The following WDR19 variants were observed in gnomAD, a reference collection of about 807,000 sequenced individuals.
WDR19 encodes the protein WD repeat-containing protein 19.
WDR19 carries 121 observed loss-of-function variants against 180.0 expected under a neutral mutation model. That is an observed-to-expected ratio of 0.67 (90% confidence interval 0.58 to 0.78). The LOEUF is 0.78. Ranked by LOEUF, WDR19 falls within the 30% of genes least tolerant of loss-of-function variation. The probability of loss-of-function intolerance (pLI) is 0.00; values close to 1 mark genes in which losing one functional copy is unlikely to be tolerated. For synonymous variants in WDR19, 497 were observed against 540.7 expected (o/e 0.92, Z 1.12); for missense variants, 1,450 against 1,640.7 (o/e 0.88, Z 2.01).
At chr4:39,264,326 C>A (rs2109476656) in intron 28 of WDR19, among the ~76,000 whole-genome samples, 1 of 152,344 alleles carries the variant, frequency 6.6e-6, no homozygotes, top group Admixed American at 6.5e-5. Flanking sequence ...ATCAAGAGAA[C>A]AAGCTCTCAT....
At position 39,253,938 on chromosome 4, in the gene WDR19, C is replaced by T. The variant is rs771583357; in HGVS notation, c.2909C>T (p.Ala970Val). ...CTACAGCTTGGTGACTATGGGTCTG[C>T]CATCCAGTTTCTTGTCATGTCCAAA... is the stretch of plus-strand genomic sequence containing the variant. Reference protein sequence around the residue: ...FFLQLGDYGSAIQFLVMSKCN... With the variant: ...FFLQLGDYGSVIQFLVMSKCN... Residue 970 changes from alanine (A) to valine (V), a missense_variant, in exon 26 of 37, where the codon GCC (alanine) becomes GTC (valine). Physicochemically the swap from Ala to Val is moderately conservative, Grantham distance 64 (BLOSUM62 0). Coordinates refer to ENST00000399820, the MANE Select transcript of WDR19 (RefSeq NM_025132.4). The T allele has an allele frequency of 1.2e-6, 2 of 1,608,868 alleles. No homozygotes were observed. Among genetic ancestry groups the T allele is most frequent in the Non-Finnish European group, 1.7e-6 (2 of 1,176,598 alleles).
intron 35 of WDR19, 44 bp from the exon 36 acceptor site, chr4:39,278,495 A>G (rs1578061999): frequency 1.4e-6 from 2 of 1,473,700 alleles, no homozygotes; most frequent in Non-Finnish European, 9.4e-7. Context: ...AGCTAAAGGA[A>G]TGTTATATAT....
chr4:39,235,472 A>G (rs909867680), intron 20 of WDR19, among the ~76,000 whole-genome samples: 4 of 152,148 alleles, frequency 2.6e-5, no homozygotes, highest in Non-Finnish European at 4.4e-5. Flanking sequence ...ACAACTATGC[A>G]TAGCATCACA....
intron 24 of WDR19, among the ~76,000 whole-genome samples, chr4:39,250,156 TG>T (rs1732999843): frequency 2.0e-3 from 1 of 502 alleles, no homozygotes; most frequent in Non-Finnish European, 0.015. Flanking sequence ...CATGATCAAG[TG>T]GGCTTCAAGT....
intron 9 of WDR19, among the ~76,000 whole-genome samples, chr4:39,210,779 G>A (rs568992225): frequency 6.6e-6 from 1 of 152,302 alleles, no homozygotes; most frequent in Admixed American, 6.5e-5. Flanking sequence ...ACAAAGTCCA[G>A]CACACCTTCA....
Position 39,185,768 on chromosome 4 carries a change from A to G in WDR19, c.49A>G (p.Ile17Val). Residue 17 changes from isoleucine to valine, a missense_variant, in exon 2 of 37, where the codon ATA becomes GTA. By Grantham distance (29) the Ile-to-Val change is conservative. Coordinates refer to ENST00000399820, the MANE Select transcript of WDR19 (RefSeq NM_025132.4). ...LLEKTWLGAP[I>V]QFAWQKTSGN... is the part of the protein sequence containing the mutation. ...AGAAAAGACTTGGCTTGGCGCACCA[A>G]TACAGTTTGCCTGGCAAAAAACATC... The G allele has an allele frequency of 2.6e-6, 4 of 1,559,840 alleles. No individual in the cohort carries two copies. The highest frequency in any genetic ancestry group is 2.4e-5 in the South Asian group (2 of 84,500).
chr4:39,253,206 C>T lies in WDR19; in HGVS notation c.2790C>T (p.Ile930=). 6.2e-7 allele frequency: 1 copy of T among 1,613,406 alleles called. No homozygotes were observed. Among genetic ancestry groups the T allele is most frequent in the Non-Finnish European group, 8.5e-7 (1 of 1,179,698 alleles). ...AACAGTGGCAAAGTGTAATCCGCAT[C>T]TATCTGGATCACCTCAATAATCCTG... ...NAKQWQSVIR[I]YLDHLNNPEK... is the part of the protein sequence containing the mutation. The change falls in exon 25 of 37, where the codon ATC becomes ATT. Residue 930 remains isoleucine, a synonymous_variant. Coordinates refer to ENST00000399820, the MANE Select transcript of WDR19 (RefSeq NM_025132.4).
intron 36 of WDR19, among the ~76,000 whole-genome samples, chr4:39,280,272 C>G (rs1245287379): frequency 1.3e-5 from 2 of 151,976 alleles, no homozygotes; most frequent in Non-Finnish European, 2.9e-5. Context: ...TTGGTAGCAT[C>G]TTTGATGCAC....
At chr4:39,265,363 T>G (rs1186264076) in intron 28 of WDR19, among the ~76,000 whole-genome samples, 1 of 152,120 alleles carries the variant, frequency 6.6e-6, no homozygotes, top group Non-Finnish European at 1.5e-5. Context: ...CATGCGCAAG[T>G]ACATTTCCTC....
At chr4:39,266,501 C>G (rs1734810304) in intron 29 of WDR19, among the ~76,000 whole-genome samples, 1 of 152,234 alleles carries the variant, frequency 6.6e-6, no homozygotes, top group East Asian at 1.9e-4. Flanking sequence ...ACAAGTTGAT[C>G]TAGACAGACC....
intron 7 of WDR19, among the ~76,000 whole-genome samples, chr4:39,204,680 T>G (rs1315763310): frequency 1.3e-5 from 2 of 152,190 alleles, no homozygotes; most frequent in African/African-American, 4.8e-5. Context: ...GAGACACTAG[T>G]TTAGCCAACA....
At chr4:39,211,184 C>A (rs1728464276) in intron 9 of WDR19, among the ~76,000 whole-genome samples, 1 of 149,564 alleles carries the variant, frequency 6.7e-6, no homozygotes, top group South Asian at 2.1e-4. Context: ...GAGTGAAACC[C>A]TGTCTCAAAA....
chr4:39,234,134 G>A (rs533220956), intron 19 of WDR19, among the ~76,000 whole-genome samples: 1 of 152,280 alleles, frequency 6.6e-6, no homozygotes, highest in East Asian at 1.9e-4. Context: ...TAATCCCCTA[G>A]AACAGTATCT....
At chr4:39,202,705 C>T (rs1288932043) in intron 6 of WDR19, among the ~76,000 whole-genome samples, 3 of 151,738 alleles carry the variant, frequency 2.0e-5, no homozygotes, top group Admixed American at 2.0e-4. Context: ...AAAAAAACTG[C>T]CTGAACTTAA....
At position 39,189,789 on chromosome 4, in the gene WDR19, A is replaced by G; in HGVS notation, c.290+8A>G. On this transcript the variant is annotated splice_region_variant and intron_variant, in intron 4 of 36. Coordinates refer to ENST00000399820, the MANE Select transcript of WDR19 (RefSeq NM_025132.4). ...GTTAGACAATGGCATGAGGTAAGAT[A>G]ACTTTTTAATTTTTTAAAGCTTCAC... 1 of 1,589,434 alleles carries G rather than the reference A, an allele frequency of 6.3e-7. No homozygotes were observed. The highest frequency in any genetic ancestry group is 8.5e-7 in the Non-Finnish European group (1 of 1,172,448).
intron 36 of WDR19, among the ~76,000 whole-genome samples, chr4:39,280,105 T>C (rs1291208051): frequency 1.4e-5 from 2 of 141,900 alleles, no homozygotes; most frequent in African/African-American, 2.5e-5. Context: ...TTGTGGGTTT[T>C]TTTCCCTTTT....
intron 24 of WDR19, among the ~76,000 whole-genome samples, chr4:39,246,936 A>G (rs1732589855): frequency 6.6e-6 from 1 of 152,266 alleles, no homozygotes; most frequent in African/African-American, 2.4e-5. Flanking sequence ...GGCAGGGCAC[A>G]GACAAACAAA....
At chr4:39,245,275 G>A (rs1732402274) in intron 23 of WDR19, 94 bp from the exon 24 acceptor site, 1 of 1,058,492 alleles carries the variant, frequency 9.4e-7, no homozygotes, top group Non-Finnish European at 1.3e-6. Flanking sequence ...GTAATAACTG[G>A]TTTTTGAATC....
chr4:39,239,812 T>C (rs1731729962), intron 20 of WDR19, among the ~76,000 whole-genome samples: 1 of 152,228 alleles, frequency 6.6e-6, no homozygotes, highest in Admixed American at 6.5e-5. Flanking sequence ...GCATCTGTAG[T>C]GTTCCACATC....
Sources: allele counts gnomAD v4.1 joint callset (sites outside exome capture counted in the v4.1 genomes callset), GRCh38; gene constraint gnomAD v4.1.1; transcripts MANE v1.5; gene names NCBI Gene and HGNC (gene_info 2026-07-23, HGNC 2026-07-21).